CSMD1: variants seen among roughly 807,000 people sequenced by gnomAD.
CSMD1 encodes CUB and sushi domain-containing protein 1.
A neutral mutation model predicts 417.5 loss-of-function variants in CSMD1; 213 were observed. The ratio of observed to expected loss-of-function variants is 0.51; its 90% CI spans 0.46 to 0.57. The LOEUF (loss-of-function observed/expected upper bound fraction) is 0.57. Among genes scored for constraint, CSMD1 ranks in the 20% least tolerant of loss-of-function variants. CSMD1 has a pLI of 0.00. For synonymous variants in CSMD1, 2,862 were observed against 1,736.8 expected, an observed-to-expected ratio of 1.65 and a Z score of -16.11; for missense variants, 6,923 against 4,529.7, an observed-to-expected ratio of 1.53 and a Z score of -15.17.
intron 3 of CSMD1, among the ~76,000 whole-genome samples, chr8:4,315,591 C>A (rs892031348): frequency 2.6e-5 from 4 of 152,016 alleles, no homozygotes; most frequent in Non-Finnish European, 5.9e-5. Flanking sequence ...CAGAACTTTG[C>A]CAGATATTAT....
intron 2 of CSMD1, among the ~76,000 whole-genome samples, chr8:4,606,207 T>A (rs1002200294): frequency 6.6e-6 from 1 of 152,180 alleles, no homozygotes; most frequent in Non-Finnish European, 1.5e-5. Context: ...CAGCACGCCT[T>A]GCAGGTCTAA....
intron 39 of CSMD1, among the ~76,000 whole-genome samples, chr8:3,157,151 T>A (rs940814528): frequency 6.6e-6 from 1 of 151,866 alleles, no homozygotes; most frequent in Non-Finnish European, 1.5e-5. Flanking sequence ...ACCTGCAAGG[T>A]TGAATGGTTG....
chr8:4,130,509 G>A (rs114346769), intron 3 of CSMD1, among the ~76,000 whole-genome samples: 4,123 of 152,184 alleles, frequency 0.027, 191 homozygotes, highest in African/African-American at 0.093. Context: ...TTGATTCTTG[G>A]CTTTCTGAAG....
intron 2 of CSMD1, among the ~76,000 whole-genome samples, chr8:4,448,376 G>C (rs56269412): frequency 1.3e-5 from 2 of 152,040 alleles, no homozygotes; most frequent in East Asian, 3.9e-4. Context: ...AATAAAACAC[G>C]CCAGTTGTCC....
intron 11 of CSMD1, among the ~76,000 whole-genome samples, chr8:3,481,098 G>A (rs1400178788): frequency 6.9e-6 from 1 of 144,548 alleles, no homozygotes; most frequent in African/African-American, 2.6e-5. Flanking sequence ...GGAGCTTGCA[G>A]TGAGCCCAGA....
chr8:4,608,581 A>G (rs1367725204), intron 2 of CSMD1, among the ~76,000 whole-genome samples: 1 of 152,220 alleles, frequency 6.6e-6, no homozygotes, highest in East Asian at 1.9e-4. Flanking sequence ...AAGATAAGGG[A>G]TGCGATGGCA....
intron 7 of CSMD1, among the ~76,000 whole-genome samples, chr8:3,638,653 A>G (rs1797160039): frequency 6.6e-6 from 1 of 152,156 alleles, no homozygotes; most frequent in South Asian, 2.1e-4. Flanking sequence ...CATGGGCAAG[A>G]TGTACCTAGA....
chr8:3,565,219 T>C (rs13257891), intron 10 of CSMD1, among the ~76,000 whole-genome samples: 55,617 of 138,604 alleles, frequency 0.4, 11,326 homozygotes, highest in Middle Eastern at 0.55. Context: ...GATAGAGAGA[T>C]AGACAGATAG....
At position 3,939,967 on chromosome 8, in the gene CSMD1, T is replaced by A. The variant is rs144947694; in HGVS notation, c.818+57936A>T. Reference sequence around the variant, plus strand: ...TCTCAGAAATCACCACTAAAGAACTTACCCATGTAACCAAAAACCACCTGT... The same window carrying A: ...TCTCAGAAATCACCACTAAAGAACTAACCCATGTAACCAAAAACCACCTGT... On this transcript the variant is annotated intron_variant, in intron 5 of 69. Transcript: ENST00000635120. Among the ~76,000 whole-genome samples, 1,481 of 152,020 alleles carry A rather than the reference T, an allele frequency of 9.7e-3. 20 individuals are homozygous for A. The highest frequency in any genetic ancestry group is 0.033 in the African/African-American group (1,386 of 41,458).
At chr8:3,394,907 T>C (rs1337639435) in intron 17 of CSMD1, among the ~76,000 whole-genome samples, 1 of 152,180 alleles carries the variant, frequency 6.6e-6, no homozygotes, top group East Asian at 1.9e-4. Context: ...GATAAGCAAT[T>C]TTCCTGATAT....
At chr8:3,621,972 T>C (rs1395669033) in intron 7 of CSMD1, among the ~76,000 whole-genome samples, 1 of 135,628 alleles carries the variant, frequency 7.4e-6, no homozygotes, top group Non-Finnish European at 1.6e-5. Context: ...TGTCTCTCTC[T>C]CTCTTTGTGT....
intron 55 of CSMD1, among the ~76,000 whole-genome samples, chr8:2,976,608 C>A (rs544860315): frequency 6.6e-6 from 1 of 152,304 alleles, no homozygotes; most frequent in Non-Finnish European, 1.5e-5. Context: ...CCTGGCCTCC[C>A]AAAATGCTGG....
At chr8:4,547,471 T>A (rs1465055647) in intron 2 of CSMD1, among the ~76,000 whole-genome samples, 2 of 152,236 alleles carry the variant, frequency 1.3e-5, no homozygotes, top group African/African-American at 2.4e-5. Flanking sequence ...TTTCATTATA[T>A]GCAGCAGCCC....
At chr8:3,514,033 A>G (rs1431361901) in intron 10 of CSMD1, among the ~76,000 whole-genome samples, 2 of 152,192 alleles carry the variant, frequency 1.3e-5, no homozygotes, top group East Asian at 1.9e-4. Flanking sequence ...TTTTCTTATA[A>G]TAGCACACAG....
At chr8:3,085,187 C>A (rs905849418) in intron 49 of CSMD1, among the ~76,000 whole-genome samples, 2 of 152,030 alleles carry the variant, frequency 1.3e-5, no homozygotes, top group South Asian at 4.1e-4. Context: ...AGTCCCTTAA[C>A]TTTTATGTGT....
chr8:3,965,389 T>C (rs2130020647), intron 5 of CSMD1, among the ~76,000 whole-genome samples: 1 of 152,254 alleles, frequency 6.6e-6, no homozygotes, highest in Middle Eastern at 3.4e-3. Flanking sequence ...GTTCTACAAA[T>C]ACATTGCCTT....
chr8:4,767,022 G>A (rs1216370072), intron 1 of CSMD1, among the ~76,000 whole-genome samples: 3 of 152,094 alleles, frequency 2.0e-5, no homozygotes, highest in East Asian at 1.9e-4. Context: ...AATGTACTAT[G>A]GATACAACTA....
At chr8:4,664,094 C>T (rs963794993) in intron 1 of CSMD1, among the ~76,000 whole-genome samples, 2 of 152,180 alleles carry the variant, frequency 1.3e-5, no homozygotes, top group Admixed American at 6.5e-5. Context: ...CATCGTACAG[C>T]CTCATCAGAG....
intron 3 of CSMD1, among the ~76,000 whole-genome samples, chr8:4,346,207 A>C (rs1800770959): frequency 6.6e-6 from 1 of 152,138 alleles, no homozygotes; most frequent in Admixed American, 6.6e-5. Context: ...TGGACAGCTC[A>C]TTTGCTAAGA....
Sources: gnomAD v4.1 joint callset for allele counts (sites outside exome capture counted in the v4.1 genomes callset) on GRCh38, gnomAD v4.1.1 for gene constraint, MANE v1.5 for transcripts, NCBI Gene and HGNC (gene_info 2026-07-23, HGNC 2026-07-21) for gene names.